Variants in ULK4 observed in about 807,000 individuals in gnomAD.
ULK4 encodes the protein unc-51 like kinase 4, also known as inactive serine/threonine-protein kinase ULK4.
In ULK4, 133 loss-of-function variants were observed where a neutral mutation model predicts 160.6. The ratio of observed to expected loss-of-function variants is 0.83; its 90% CI spans 0.72 to 0.96. The LOEUF (loss-of-function observed/expected upper bound fraction) is 0.96. Among genes scored for constraint, ULK4 ranks in the 40% least tolerant of loss-of-function variants. The probability of loss-of-function intolerance (pLI) is 0.00; values close to 1 mark genes in which losing one functional copy is unlikely to be tolerated. For missense variants in ULK4, 1,580 were observed against 1,499.5 expected (o/e 1.05, Z -0.89); for synonymous variants, 534 against 539.8 (o/e 0.99, Z 0.15).
chr3:41,543,275 T>C (rs1200960598), intron 32 of ULK4, among the ~76,000 whole-genome samples: 1 of 152,044 alleles, frequency 6.6e-6, no homozygotes, highest in Non-Finnish European at 1.5e-5. Flanking sequence ...TCACATGTCA[T>C]CAAGATTGAA....
chr3:41,420,471 CTTTCTTT>C (rs1156336005), intron 34 of ULK4, among the ~76,000 whole-genome samples: 3 of 63,244 alleles, frequency 4.7e-5, no homozygotes, highest in African/African-American at 1.9e-4. Context: ...TTTTCCAGTT[CTTTCTTT>C]TTTTTTTTTT....
At chr3:41,910,941 C>T (rs554618968) in intron 11 of ULK4, among the ~76,000 whole-genome samples, 1 of 152,188 alleles carries the variant, frequency 6.6e-6, no homozygotes, top group East Asian at 1.9e-4. Context: ...CCAGCCTGGG[C>T]AATAGACGGA....
At chr3:41,670,066 G>A (rs2035485697) in intron 29 of ULK4, among the ~76,000 whole-genome samples, 1 of 152,132 alleles carries the variant, frequency 6.6e-6, no homozygotes, top group South Asian at 2.1e-4. Flanking sequence ...TCTAAGCAAG[G>A]GAAGGATTTG....
chr3:41,624,988 T>C (rs1167446747), intron 30 of ULK4, among the ~76,000 whole-genome samples: 1 of 152,202 alleles, frequency 6.6e-6, no homozygotes, highest in Non-Finnish European at 1.5e-5. Flanking sequence ...TCTGTATTGT[T>C]TTCTATGACT....
At chr3:41,514,003 C>T (rs2085670690) in intron 32 of ULK4, among the ~76,000 whole-genome samples, 1 of 152,052 alleles carries the variant, frequency 6.6e-6, no homozygotes, top group Non-Finnish European at 1.5e-5. Flanking sequence ...AAAAAGAATG[C>T]CCTTTTCATA....
intron 33 of ULK4, among the ~76,000 whole-genome samples, chr3:41,455,985 C>T (rs1426498993): frequency 1.3e-5 from 2 of 152,212 alleles, no homozygotes; most frequent in African/African-American, 4.8e-5. Flanking sequence ...TCTCAGCTCA[C>T]TGCAACCTCT....
At chr3:41,465,872 C>A (rs1215755370) in intron 32 of ULK4, among the ~76,000 whole-genome samples, 1 of 152,066 alleles carries the variant, frequency 6.6e-6, no homozygotes, top group African/African-American at 2.4e-5. Context: ...AATGTTTATT[C>A]TTTCCTGTCG....
intron 31 of ULK4, among the ~76,000 whole-genome samples, chr3:41,573,292 G>A (rs1315576223): frequency 6.6e-6 from 1 of 152,100 alleles, no homozygotes; most frequent in Non-Finnish European, 1.5e-5. Context: ...GCTTAAAGAG[G>A]ACAGCTTTGA....
intron 3 of ULK4, chr3:41,937,422 TAA>T (rs1306337819): frequency 4.2e-5 from 27 of 645,086 alleles, no homozygotes; most frequent in South Asian, 5.2e-5. Flanking sequence ...AGTATCAATA[TAA>T]GTTAGATGCA....
At chr3:41,959,106 G>A (rs546474809) in intron 1 of ULK4, among the ~76,000 whole-genome samples, 60 of 152,282 alleles carry the variant, frequency 3.9e-4, no homozygotes, top group African/African-American at 1.0e-3. Flanking sequence ...GCTTACGCCT[G>A]TAATCCCAGC....
At chr3:41,891,365 G>C in intron 16 of ULK4, among the ~76,000 whole-genome samples, 1 of 140,178 alleles carries the variant, frequency 7.1e-6, no homozygotes, top group Admixed American at 6.9e-5. Flanking sequence ...GAGGGAGGGA[G>C]GCAGGCAGGC....
chr3:41,657,338 T>C (rs2034974707), intron 30 of ULK4, among the ~76,000 whole-genome samples: 1 of 152,178 alleles, frequency 6.6e-6, no homozygotes, highest in South Asian at 2.1e-4. Context: ...TAATAGTTAT[T>C]ACATGGTACT....
intron 1 of ULK4, among the ~76,000 whole-genome samples, chr3:41,958,785 A>C (rs866398746): frequency 6.6e-6 from 1 of 152,198 alleles, no homozygotes; most frequent in South Asian, 2.1e-4. Context: ...AGGAGAGGAA[A>C]GCTTTTTTCT....
chr3:41,735,704 T>C (rs1328345755), intron 22 of ULK4, among the ~76,000 whole-genome samples: 1 of 149,932 alleles, frequency 6.7e-6, no homozygotes, highest in Non-Finnish European at 1.5e-5. Flanking sequence ...TTATTATTAT[T>C]ATTATTATTA....
At chr3:41,781,467 G>T (rs2039839346) in intron 21 of ULK4, among the ~76,000 whole-genome samples, 1 of 150,620 alleles carries the variant, frequency 6.6e-6, no homozygotes, top group Non-Finnish European at 1.5e-5. Flanking sequence ...GCTATTTTGA[G>T]AATGTATTAA....
At chr3:41,461,216 T>C (rs2083676321) in intron 33 of ULK4, among the ~76,000 whole-genome samples, 1 of 152,182 alleles carries the variant, frequency 6.6e-6, no homozygotes, top group African/African-American at 2.4e-5. Flanking sequence ...TAAGCATTAT[T>C]ATAATTTTAA....
At chr3:41,834,286 A>G (rs1189802433) in intron 18 of ULK4, among the ~76,000 whole-genome samples, 1 of 151,990 alleles carries the variant, frequency 6.6e-6, no homozygotes, top group Non-Finnish European at 1.5e-5. Flanking sequence ...TTTTTTATAT[A>G]TTAATATATG....
At chr3:41,503,592 T>C (rs1266042288) in intron 32 of ULK4, among the ~76,000 whole-genome samples, 1 of 152,222 alleles carries the variant, frequency 6.6e-6, no homozygotes, top group Non-Finnish European at 1.5e-5. Context: ...CTGTCAGCTC[T>C]AGCTCTGCAT....
intron 35 of ULK4, among the ~76,000 whole-genome samples, chr3:41,287,384 A>G (rs1220319749): frequency 1.3e-5 from 2 of 152,210 alleles, no homozygotes; most frequent in Non-Finnish European, 2.9e-5. Context: ...CTGAAATGAT[A>G]TGAAGAGAAA....
Sources: gnomAD v4.1 joint callset for allele counts (sites outside exome capture counted in the v4.1 genomes callset) on GRCh38, gnomAD v4.1.1 for gene constraint, MANE v1.5 for transcripts, NCBI Gene and HGNC (gene_info 2026-07-23, HGNC 2026-07-21) for gene names.